Variants in TMEM131 observed in about 807,000 individuals in gnomAD.
TMEM131 encodes the protein 2610524E03Rik.
In TMEM131, 66 loss-of-function variants were observed where a neutral mutation model predicts 211.6. That is an observed-to-expected ratio of 0.31 (90% CI 0.26 to 0.38). The LOEUF is 0.38. Among genes scored for constraint, TMEM131 ranks in the 10% least tolerant of loss-of-function variants. TMEM131 has a pLI of 1.00. For synonymous variants in TMEM131, 844 were observed against 841.3 expected (o/e 1.00, Z -0.06); for missense variants, 2,036 against 2,299.3 (o/e 0.89, Z 2.34).
intron 1 of TMEM131, among the ~76,000 whole-genome samples, chr2:97,978,525 C>T (rs1679646214): frequency 6.6e-6 from 1 of 152,174 alleles, no homozygotes; most frequent in African/African-American, 2.4e-5. Flanking sequence ...GCTGGGACAA[C>T]AGGTGAGAGC....
intron 1 of TMEM131, among the ~76,000 whole-genome samples, chr2:97,988,370 T>C (rs1229294449): frequency 2.0e-5 from 3 of 152,166 alleles, no homozygotes; most frequent in African/African-American, 7.2e-5. Context: ...GGAGAAAGCA[T>C]AGGGAAAAAG....
intron 4 of TMEM131, among the ~76,000 whole-genome samples, chr2:97,865,429 G>C (rs1674232675): frequency 6.6e-6 from 1 of 152,168 alleles, no homozygotes; most frequent in African/African-American, 2.4e-5. Flanking sequence ...TATCATAGAT[G>C]CTCTTTATTA....
chr2:97,786,155 T>C (rs1680241223), intron 31 of TMEM131, among the ~76,000 whole-genome samples: 1 of 152,212 alleles, frequency 6.6e-6, no homozygotes, highest in Admixed American at 6.5e-5. Flanking sequence ...TTTTGCAATG[T>C]GTTACCATTG....
chr2:97,885,469 T>G (rs1271196976), intron 4 of TMEM131, among the ~76,000 whole-genome samples: 1 of 152,094 alleles, frequency 6.6e-6, no homozygotes, highest in Non-Finnish European at 1.5e-5. Flanking sequence ...ATTACAGGCG[T>G]GAGCCACCGC....
At chr2:97,760,505 G>T in intron 38 of TMEM131, 88 bp downstream of exon 38, 1 of 1,201,790 alleles carries the variant, frequency 8.3e-7, no homozygotes, top group Non-Finnish European at 1.2e-6. Flanking sequence ...GGGGAAAAAT[G>T]CCCTGAAACC....
At chr2:97,994,891 C>T (rs1680422446) in intron 1 of TMEM131, among the ~76,000 whole-genome samples, 1 of 152,160 alleles carries the variant, frequency 6.6e-6, no homozygotes, top group African/African-American at 2.4e-5. Context: ...GGCACCGAAT[C>T]ACGTATTTTA....
intron 1 of TMEM131, among the ~76,000 whole-genome samples, chr2:97,945,780 T>C (rs1678005331): frequency 6.6e-6 from 1 of 152,124 alleles, no homozygotes; most frequent in Non-Finnish European, 1.5e-5. Flanking sequence ...TTTGAATATA[T>C]GCCAAAAATT....
chr2:97,956,537 A>G (rs1246796010), intron 1 of TMEM131, among the ~76,000 whole-genome samples: 1 of 152,190 alleles, frequency 6.6e-6, no homozygotes, highest in African/African-American at 2.4e-5. Context: ...GTCATACTCC[A>G]AAGTGGTAAA....
At chr2:97,986,889 A>C (rs148304281) in intron 1 of TMEM131, among the ~76,000 whole-genome samples, 7 of 152,244 alleles carry the variant, frequency 4.6e-5, no homozygotes, top group Admixed American at 3.9e-4. Flanking sequence ...TGACAAACAT[A>C]AACTATCTCA....
At chr2:97,994,387 G>A (rs1159093390) in intron 1 of TMEM131, among the ~76,000 whole-genome samples, 2 of 152,214 alleles carry the variant, frequency 1.3e-5, no homozygotes, top group Non-Finnish European at 1.5e-5. Flanking sequence ...GGAATGTAAT[G>A]TGGACAAAAA....
At chr2:97,841,610 C>A (rs1470457985) in intron 7 of TMEM131, among the ~76,000 whole-genome samples, 1 of 150,662 alleles carries the variant, frequency 6.6e-6, no homozygotes, top group Admixed American at 6.6e-5. Flanking sequence ...AATTCAAAAT[C>A]CAGACTGCTG....
chr2:97,829,761 AACCCACC>A (rs1682574204), intron 11 of TMEM131, among the ~76,000 whole-genome samples: 1 of 152,196 alleles, frequency 6.6e-6, no homozygotes, highest in African/African-American at 2.4e-5. Context: ...AGAGACCAAG[AACCCACC>A]AGAAGGAACC....
intron 4 of TMEM131, among the ~76,000 whole-genome samples, chr2:97,865,974 C>G (rs1285801584): frequency 6.6e-6 from 1 of 152,186 alleles, no homozygotes; most frequent in Non-Finnish European, 1.5e-5. Flanking sequence ...GCTCCGCCTC[C>G]TGGGTTCACG....
At chr2:97,914,585 T>C (rs2104393915) in intron 2 of TMEM131, among the ~76,000 whole-genome samples, 1 of 152,334 alleles carries the variant, frequency 6.6e-6, no homozygotes, top group East Asian at 1.9e-4. Context: ...TATTCATGAC[T>C]AAAATTTTTT....
At chr2:97,764,099 A>G (rs2104771764) in intron 35 of TMEM131, 1 of 152,368 alleles carries the variant, frequency 6.6e-6, no homozygotes, top group African/African-American at 2.4e-5. Context: ...CAGATGGTAT[A>G]GGGCACCATG....
chr2:97,849,321 A>G (rs1209448701), intron 5 of TMEM131, among the ~76,000 whole-genome samples: 14 of 152,222 alleles, frequency 9.2e-5, no homozygotes, highest in Non-Finnish European at 2.1e-4. Context: ...AAAGTCTTCA[A>G]CTAGTGAATG....
intron 33 of TMEM131, among the ~76,000 whole-genome samples, chr2:97,769,716 G>A (rs1184809610): frequency 6.6e-6 from 1 of 152,230 alleles, no homozygotes; most frequent in African/African-American, 2.4e-5. Flanking sequence ...AATACTCAGG[G>A]TCCTAAACCA....
chr2:97,816,992 G>A (rs1012327608), intron 12 of TMEM131, among the ~76,000 whole-genome samples: 3 of 152,108 alleles, frequency 2.0e-5, no homozygotes, highest in African/African-American at 4.8e-5. Flanking sequence ...ATGGTGGGGG[G>A]ATTTTCACAT....
rs549095733 is a variant in TMEM131, at chr2:97,762,159, C to T, written c.4765G>A (p.Ala1589Thr). 21 of 1,613,862 alleles carry T rather than the reference C, an allele frequency of 1.3e-5. No individual in the cohort carries two copies. The highest frequency in any genetic ancestry group is 3.3e-5 in the South Asian group (3 of 91,070). The change falls in exon 36 of 41, where the codon GCA (alanine) becomes ACA (threonine). Residue 1589 changes from alanine to threonine, a missense_variant. Ala to Thr is a moderately conservative substitution (Grantham distance 58). Around this residue, in one of 3 missense-constraint regions of TMEM131, gnomAD observed 1,623 missense variants for 1,805.9 expected, o/e 0.90. Transcript: ENST00000186436. ...TGGCGTTGTTTTAAGAAAATGTCTGCGTTGAGGGTTTGCAGAGAAAGTTTA... is the reference window on the plus strand; with the variant it reads ...TGGCGTTGTTTTAAGAAAATGTCTGTGTTGAGGGTTTGCAGAGAAAGTTTA... ...LYKLSLQTLNADIFLKQRQTS... is the reference protein window; with the variant it reads ...LYKLSLQTLNTDIFLKQRQTS...
Sources: gnomAD v4.1 joint callset for allele counts (sites outside exome capture counted in the v4.1 genomes callset) on GRCh38, gnomAD v4.1.1 for gene constraint, gnomAD v4.1.1 regional missense constraint, MANE v1.5 for transcripts, NCBI Gene and HGNC (gene_info 2026-07-23, HGNC 2026-07-21) for gene names.